Variants in CPQ observed in about 807,000 individuals in gnomAD.
The protein encoded by CPQ is Ser-Met dipeptidase.
CPQ carries 37 observed loss-of-function variants against 45.7 expected under a neutral mutation model. That is an observed-to-expected ratio of 0.81 (90% CI 0.62 to 1.07). The LOEUF is 1.07. Ranked by LOEUF, CPQ falls within the 50% of genes least tolerant of loss-of-function variation. The pLI, the probability that CPQ is intolerant of heterozygous loss-of-function variation, is 0.00. For synonymous variants in CPQ, 186 were observed against 205.8 expected (o/e 0.90, Z 0.82); for missense variants, 537 against 572.9 (o/e 0.94, Z 0.64).
At chr8:97,110,137 G>A (rs1017907505) in intron 7 of CPQ, among the ~76,000 whole-genome samples, 2 of 152,032 alleles carry the variant, frequency 1.3e-5, no homozygotes, top group Non-Finnish European at 2.9e-5. Context: ...TCAGTCAACT[G>A]CCAACTTCAC....
At chr8:97,097,815 A>G (rs1488852312) in intron 7 of CPQ, among the ~76,000 whole-genome samples, 1 of 152,052 alleles carries the variant, frequency 6.6e-6, no homozygotes, top group East Asian at 1.9e-4. Flanking sequence ...GGAGAGAGAG[A>G]GAGAGAGAAA....
At chr8:96,825,062 A>T (rs1811359314) in intron 2 of CPQ, among the ~76,000 whole-genome samples, 1 of 151,958 alleles carries the variant, frequency 6.6e-6, no homozygotes, top group African/African-American at 2.4e-5. Context: ...ACTCCAAGCT[A>T]TGTGGTTTGG....
intron 1 of CPQ, among the ~76,000 whole-genome samples, chr8:96,685,804 A>C (rs1027556796): frequency 1.3e-5 from 2 of 152,166 alleles, no homozygotes; most frequent in Non-Finnish European, 2.9e-5. Context: ...AAATTTATAG[A>C]ATAAGTCAGG....
rs565839910 is a variant in CPQ, at chr8:96,877,123, T to C, written c.642-2675T>C. 8.5e-5 allele frequency among the ~76,000 whole-genome samples: 13 copies of C among 152,284 alleles called. No individual in the cohort carries two copies. In the South Asian group the frequency reaches 2.7e-3, roughly 32 times the overall value. ...GACAGGACGGTGGTGTTTGTGCTGA[T>C]TGGTCCCTTTACAATAATTTTACTA... On this transcript the variant is annotated intron_variant, in intron 3 of 7. Coordinates refer to ENST00000220763, the MANE Select transcript of CPQ (RefSeq NM_016134.4).
At chr8:96,668,456 G>T (rs775752527) in intron 1 of CPQ, among the ~76,000 whole-genome samples, 1 of 152,188 alleles carries the variant, frequency 6.6e-6, no homozygotes, top group Non-Finnish European at 1.5e-5. Flanking sequence ...GAAGAAGGGA[G>T]TAATTTATTC....
rs544769438 is a variant in CPQ, at chr8:96,825,490, CTAA to C, written c.434-9481_434-9479del. Reference sequence around the variant, plus strand: ...CCATTTTGTCACCTATAAAATGTGGCTAATGCCCTTACTCTCTCCTCCTTAAAA... The same window carrying C: ...CCATTTTGTCACCTATAAAATGTGGCTGCCCTTACTCTCTCCTCCTTAAAA... On this transcript the variant is annotated intron_variant, in intron 2 of 7. Transcript: ENST00000220763. 2.8e-3 allele frequency among the ~76,000 whole-genome samples: 433 copies of C among 152,112 alleles called. 2 individuals are homozygous for C. The highest frequency in any genetic ancestry group is 9.7e-3 in the African/African-American group (404 of 41,544).
At chr8:96,855,570 A>G (rs1475310330) in intron 3 of CPQ, among the ~76,000 whole-genome samples, 3 of 152,170 alleles carry the variant, frequency 2.0e-5, no homozygotes, top group Admixed American at 6.5e-5. Context: ...TTTCTGATAC[A>G]TTGTCTACAG....
chr8:96,964,675 A>C (rs1033534295), intron 4 of CPQ, among the ~76,000 whole-genome samples: 2 of 152,102 alleles, frequency 1.3e-5, no homozygotes, highest in Non-Finnish European at 2.9e-5. Context: ...TTGTTAACCA[A>C]TGTGTGAGGA....
intron 4 of CPQ, among the ~76,000 whole-genome samples, chr8:96,891,327 C>A (rs932398681): frequency 6.6e-6 from 1 of 152,192 alleles, no homozygotes; most frequent in Non-Finnish European, 1.5e-5. Context: ...CCAATATAAT[C>A]GACCTGCCAC....
intron 5 of CPQ, among the ~76,000 whole-genome samples, chr8:96,986,608 C>T (rs2130397129): frequency 6.6e-6 from 1 of 152,232 alleles, no homozygotes; most frequent in South Asian, 2.1e-4. Flanking sequence ...AATTGGATTT[C>T]CATTGAAGGA....
intron 5 of CPQ, among the ~76,000 whole-genome samples, chr8:97,008,808 C>A (rs1481706706): frequency 6.6e-6 from 1 of 152,200 alleles, no homozygotes; most frequent in East Asian, 1.9e-4. Flanking sequence ...AACTAATGCA[C>A]ATAAAGTGTT....
chr8:96,905,449 A>G (rs749919977), intron 4 of CPQ, among the ~76,000 whole-genome samples: 4 of 152,174 alleles, frequency 2.6e-5, no homozygotes, highest in African/African-American at 4.8e-5. Flanking sequence ...ACAGCTGATG[A>G]ACACTGCCCC....
chr8:96,793,250 A>G (rs893606690), intron 2 of CPQ, among the ~76,000 whole-genome samples: 3 of 152,220 alleles, frequency 2.0e-5, no homozygotes, highest in African/African-American at 4.8e-5. Flanking sequence ...CACGCTGCTT[A>G]TAAAGACATA....
At chr8:96,879,742 A>G in intron 3 of CPQ, 56 bp from the exon 4 acceptor site, 1 of 1,371,526 alleles carries the variant, frequency 7.3e-7, no homozygotes, top group Non-Finnish European at 1.0e-6. Context: ...TGCTTTCAAA[A>G]AAGTCTTTTG....
intron 4 of CPQ, among the ~76,000 whole-genome samples, chr8:96,905,397 A>G (rs1675762550): frequency 6.6e-6 from 1 of 152,204 alleles, no homozygotes; most frequent in African/African-American, 2.4e-5. Flanking sequence ...ATGAAGGCAC[A>G]GTAGCTGTGA....
chr8:96,980,707 T>C (rs1813878261), intron 5 of CPQ, among the ~76,000 whole-genome samples: 1 of 152,140 alleles, frequency 6.6e-6, no homozygotes, highest in Non-Finnish European at 1.5e-5. Flanking sequence ...ATCCTCACAG[T>C]GAGGAGGCCC....
intron 2 of CPQ, among the ~76,000 whole-genome samples, chr8:96,821,302 A>G (rs1462921438): frequency 6.6e-6 from 1 of 151,788 alleles, no homozygotes; most frequent in Non-Finnish European, 1.5e-5. Context: ...ATATAATCCC[A>G]ATTATATATT....
intron 4 of CPQ, among the ~76,000 whole-genome samples, chr8:96,898,841 G>A (rs1025303491): frequency 2.0e-5 from 3 of 151,198 alleles, no homozygotes; most frequent in Non-Finnish European, 4.4e-5. Flanking sequence ...TCGGGGAGTG[G>A]CGAAATGTAA....
At chr8:96,955,305 T>C (rs1490156252) in intron 4 of CPQ, among the ~76,000 whole-genome samples, 1 of 152,166 alleles carries the variant, frequency 6.6e-6, no homozygotes, top group Non-Finnish European at 1.5e-5. Flanking sequence ...TGGTGTGAGA[T>C]GGTATCTCAT....
Sources: allele counts gnomAD v4.1 joint callset (sites outside exome capture counted in the v4.1 genomes callset), GRCh38; gene constraint gnomAD v4.1.1; transcripts MANE v1.5; gene names NCBI Gene and HGNC (gene_info 2026-07-23, HGNC 2026-07-21).